KIF1A: variants seen among roughly 807,000 people sequenced by gnomAD.
KIF1A encodes kinesin-like protein KIF1A.
In KIF1A, 46 loss-of-function variants were observed where a neutral mutation model predicts 227.3. The ratio of observed to expected loss-of-function variants is 0.20; its 90% CI spans 0.16 to 0.26. The LOEUF is 0.26. KIF1A is among the 10% of genes least tolerant of loss of function. The pLI, the probability that KIF1A is intolerant of heterozygous loss-of-function variation, is 1.00. For missense variants in KIF1A, 1,683 were observed against 2,485.9 expected, an observed-to-expected ratio of 0.68 and a Z score of 6.87; for synonymous variants, 1,022 against 1,012.8, an observed-to-expected ratio of 1.01 and a Z score of -0.17.
At chr2:240,749,999 G>A (rs1024133543) in intron 28 of KIF1A, among the ~76,000 whole-genome samples, 5 of 152,262 alleles carry the variant, frequency 3.3e-5, no homozygotes, top group Admixed American at 2.6e-4. Flanking sequence ...GGTGGAATGT[G>A]TTGACAGAGA....
At chr2:240,784,882 C>T (rs2054522115) in intron 7 of KIF1A, 107 bp downstream of exon 7, 2 of 887,736 alleles carry the variant, frequency 2.3e-6, no homozygotes, top group East Asian at 2.4e-5. Flanking sequence ...CTGCACAGGC[C>T]AGCATTGGGC....
chr2:240,813,921 G>C (rs116138919), intron 1 of KIF1A, among the ~76,000 whole-genome samples: 3,201 of 152,318 alleles, frequency 0.021, 112 homozygotes, highest in African/African-American at 0.074. Context: ...GGAGATTCAA[G>C]AAGATGCTCA....
At chr2:240,723,121 G>A (rs373184073) in intron 42 of KIF1A, among the ~76,000 whole-genome samples, 2 of 152,212 alleles carry the variant, frequency 1.3e-5, no homozygotes, top group Admixed American at 6.5e-5. Flanking sequence ...GCCCAGCCCC[G>A]CGACTCTCCT....
chr2:240,784,300 C>T (rs189599099), intron 7 of KIF1A, among the ~76,000 whole-genome samples: 182 of 152,212 alleles, frequency 1.2e-3, no homozygotes, highest in African/African-American at 4.2e-3. Flanking sequence ...GGGTGGGAGG[C>T]CCTGCACCGG....
intron 20 of KIF1A, among the ~76,000 whole-genome samples, chr2:240,764,984 C>G (rs547420613): frequency 6.6e-6 from 1 of 152,318 alleles, no homozygotes; most frequent in South Asian, 2.1e-4. Context: ...ACTTCGCTGA[C>G]CAGCCCCACC....
chr2:240,796,695 C>T (rs1298900746), intron 2 of KIF1A, among the ~76,000 whole-genome samples: 2 of 152,176 alleles, frequency 1.3e-5, no homozygotes, highest in Admixed American at 6.5e-5. Context: ...GTCCACTGCA[C>T]CATGATTAGC....
In KIF1A at chr2:240,737,145, T is replaced by A. The variant is rs769978477; in HGVS notation, c.3925A>T (p.Thr1309Ser). 5.6e-6 allele frequency: 9 copies of A among 1,613,298 alleles called. No individual in the cohort carries two copies. The highest frequency in any genetic ancestry group is 7.6e-6 in the Non-Finnish European group (9 of 1,179,390). The change falls in exon 38 of 49, where the codon ACC becomes TCC. Residue 1309 changes from threonine (T) to serine (S), a missense_variant. Physicochemically the swap from Thr to Ser is moderately conservative, Grantham distance 58. Transcript: ENST00000498729. ...TTGGGGTCGATCAGGGACTCGTCGGTCTCTGGAGTGTTTCGGATGCGGCCT... is the reference window on the plus strand; with the variant it reads ...TTGGGGTCGATCAGGGACTCGTCGGACTCTGGAGTGTTTCGGATGCGGCCT... The part of the protein sequence containing the change: ...VVGRIRNTPE[T>S]DESLIDPNIL...
At chr2:240,785,841 G>A (rs890980777) in intron 6 of KIF1A, among the ~76,000 whole-genome samples, 2 of 152,182 alleles carry the variant, frequency 1.3e-5, no homozygotes, top group Non-Finnish European at 2.9e-5. Context: ...TCACCCTCAG[G>A]AAGTCCCGGG....
intron 8 of KIF1A, 86 bp from the exon 9 acceptor site, chr2:240,783,195 C>A: frequency 9.2e-7 from 1 of 1,092,178 alleles, no homozygotes; most frequent in South Asian, 1.2e-5. Flanking sequence ...TGGACCTGTG[C>A]AGTGTGGAGT....
At chr2:240,817,077 G>A (rs563788334) in intron 1 of KIF1A, among the ~76,000 whole-genome samples, 23 of 152,340 alleles carry the variant, frequency 1.5e-4, no homozygotes, top group African/African-American at 5.3e-4. Context: ...CTCTGCCCAG[G>A]TGCCATGCCA....
At position 240,758,134 on chromosome 2, in the gene KIF1A, A is replaced by G. The variant is rs1327390498; in HGVS notation, c.2582+226T>C. 6.6e-6 allele frequency among the ~76,000 whole-genome samples: 1 copy of G among 152,214 alleles called. No individual in the cohort carries two copies. The highest frequency in any genetic ancestry group is 1.5e-5 in the Non-Finnish European group (1 of 68,026). On this transcript the variant is annotated intron_variant, in intron 26 of 48. Transcript: ENST00000498729. The surrounding 1 kb of genome is among the most constrained non-coding windows in gnomAD (Gnocchi z 5.2). ...CAGCCCTGCAGTGGGTTTGGGTGGC[A>G]GTGCCAAGACCCCATCCCACGTCCC...
intron 2 of KIF1A, among the ~76,000 whole-genome samples, chr2:240,795,840 G>A (rs1463022305): frequency 2.0e-5 from 3 of 152,174 alleles, no homozygotes; most frequent in Non-Finnish European, 4.4e-5. Context: ...CCATTCTCAA[G>A]GTTCAGGGGC....
chr2:240,782,177 C>T, intron 10 of KIF1A: 1 of 985,270 alleles, frequency 1.0e-6, no homozygotes, highest in Non-Finnish European at 1.2e-6. Context: ...GCGCCCGCCT[C>T]CCCCTGTGGC....
chr2:240,787,285 T>C lies in KIF1A; in HGVS notation c.395A>G (p.Asp132Gly). 1 of 1,613,262 alleles carries C rather than the reference T, an allele frequency of 6.2e-7. No individual in the cohort carries two copies. The highest frequency in any genetic ancestry group is 8.5e-7 in the Non-Finnish European group (1 of 1,179,730). The change falls in exon 5 of 49, where the codon GAC (aspartate) becomes GGC (glycine). Residue 132 changes from aspartate to glycine, a missense_variant. By Grantham distance (94) the Asp-to-Gly change is moderately conservative. This residue lies in a region of KIF1A where 75 missense variants were observed against 131.2 expected (regional missense o/e 0.57). Coordinates refer to ENST00000498729, the MANE Select transcript of KIF1A (RefSeq NM_001244008.2). The stretch of plus-strand genomic sequence containing the variant: ...GTAGGACATGTTGTCGTTGGTCGTG[T>C]CGTTGATCCGAGAGAAGAGGTCCTC... ...LCEDLFSRIN[D>G]TTNDNMSYSV...
intron 29 of KIF1A, among the ~76,000 whole-genome samples, 171 bp downstream of exon 29, chr2:240,747,065 G>T (rs981962493): frequency 2.6e-5 from 4 of 152,160 alleles, no homozygotes; most frequent in African/African-American, 7.2e-5. Flanking sequence ...GAAAAGGGGC[G>T]CAGTGTGCTT....
rs1444655049 is a variant in KIF1A at position 240,737,348 on chromosome 2, C to CAT, written c.3902-182_3902-181dup. 5 of 556,394 alleles carry CAT rather than the reference C, an allele frequency of 9.0e-6. No homozygotes were observed. The African/African-American group carries it at 9.3e-5, about 10-fold the overall frequency. 34.5% of individuals were successfully genotyped at this position (556,394 alleles called of 1,614,324 possible). ...ACAGGGTCCTCAGCAACCCAGGTGCCATGTGTAGTTGCTGCTCCACGGTCT... is the reference window on the plus strand; with the variant it reads ...ACAGGGTCCTCAGCAACCCAGGTGCCATATGTGTAGTTGCTGCTCCACGGTCT... On this transcript the variant is annotated intron_variant, in intron 37 of 48. Coordinates refer to ENST00000498729, the MANE Select transcript of KIF1A (RefSeq NM_001244008.2).
Position 240,758,437 on chromosome 2 carries a change from G to A in KIF1A, c.2505C>T (p.Val835=). 6 of 1,612,150 alleles carry A rather than the reference G, an allele frequency of 3.7e-6. No homozygotes were observed. Among genetic ancestry groups the A allele is most frequent in the Non-Finnish European group, 5.1e-6 (6 of 1,179,010 alleles). ...TCACCACGTTGTCACAGTCCTCGAT[G>A]ACACTGGAGGGCACCTCTGCAGCGC... ...YDRAAEVPSS[V]IEDCDNVVTG... is the part of the protein sequence containing the mutation. Residue 835 remains valine (V), a synonymous_variant, in exon 26 of 49, where the codon GTC becomes GTT. Transcript: ENST00000498729. The surrounding 1 kb of genome is among the most constrained non-coding windows in gnomAD (Gnocchi z 5.2).
Position 240,786,415 on chromosome 2 carries a change from G to A in KIF1A, c.528C>T (p.Pro176=). The part of the protein sequence containing the change: ...LRVREHPLLG[P]YVEDLSKLAV... ...CCAGCTTGGAGAGGTCCTCCACGTAGGGCCCCAGCAGTGGGTGCTCCCTCA... is the reference window on the plus strand; with the variant it reads ...CCAGCTTGGAGAGGTCCTCCACGTAAGGCCCCAGCAGTGGGTGCTCCCTCA... Residue 176 remains proline, a synonymous_variant, in exon 6 of 49, where the codon CCC becomes CCT. Coordinates refer to ENST00000498729, the MANE Select transcript of KIF1A (RefSeq NM_001244008.2). 6.2e-7 allele frequency: 1 copy of A among 1,613,700 alleles called. No homozygotes were observed.
In KIF1A at chr2:240,789,472, T is replaced by A. The variant is rs186876915; in HGVS notation, c.107-160A>T. On this transcript the variant is annotated intron_variant, in intron 2 of 48. Transcript: ENST00000498729. This position sits in a 1 kb window ranked among gnomAD's most constrained non-coding sequence, Gnocchi z 4.8. ...ACCTAGGACCCCACTCCCAGGCAGA[T>A]GAGCTGTCTCTGCCCCCTCCTTATG... Among the ~76,000 whole-genome samples the A allele has an allele frequency of 3.9e-5, 6 of 152,294 alleles. No individual in the cohort carries two copies. The highest frequency in any genetic ancestry group is 2.6e-4 in the Admixed American group (4 of 15,304).
Sources: allele counts gnomAD v4.1 joint callset (sites outside exome capture counted in the v4.1 genomes callset), GRCh38; gene constraint gnomAD v4.1.1; regional missense constraint gnomAD v4.1.1; non-coding constraint Gnocchi (gnomAD v3.1); transcripts MANE v1.5; gene names NCBI Gene and HGNC (gene_info 2026-07-23, HGNC 2026-07-21).